The following EPHA5 variants were observed in gnomAD, a reference collection of about 807,000 sequenced individuals.
EPHA5 encodes ephrin type-A receptor 5.
A neutral mutation model predicts 105.0 loss-of-function variants in EPHA5; 60 were observed. The ratio of observed to expected loss-of-function variants is 0.57; its 90% CI spans 0.46 to 0.71. The LOEUF is 0.71. Among genes scored for constraint, EPHA5 ranks in the 30% least tolerant of loss-of-function variants. EPHA5 has a pLI of 0.00. For missense variants in EPHA5, 1,218 were observed against 1,274.7 expected, an observed-to-expected ratio of 0.96 and a Z score of 0.68; for synonymous variants, 513 against 449.1, an observed-to-expected ratio of 1.14 and a Z score of -1.80.
At position 65,323,372 on chromosome 4, in the gene EPHA5, CAT is replaced by C. The variant is rs1275668242; in HGVS notation, c.*740_*741del. On this transcript the variant is annotated 3_prime_UTR_variant, in exon 17 of 17. Coordinates refer to ENST00000613740, the MANE Select transcript of EPHA5 (RefSeq NM_001281766.3). ...AATGCAAGCAGAATGGTAACACACA[CAT>C]GTGCAAGCAAACACACACACAATTC... 4.3e-6 allele frequency: 1 copy of C among 230,104 alleles called. No homozygotes were observed. The allele number at this position is 230,104 out of a possible 1,614,324, so 14.3% of individuals were successfully genotyped here.
At position 65,643,416 on chromosome 4, in the gene EPHA5, C is replaced by A. The variant is rs141103426; in HGVS notation, c.193G>T (p.Asp65Tyr). The part of the protein sequence containing the change: ...ASPSNEVNLL[D>Y]SRTVMGDLGW... Reference sequence around the variant, plus strand: ...AGGTCCCCCATGACAGTGCGTGAATCCAATAAATTCACTGAAAAGAAAAGA... The same window carrying A: ...AGGTCCCCCATGACAGTGCGTGAATACAATAAATTCACTGAAAAGAAAAGA... Residue 65 changes from aspartate (D) to tyrosine (Y), a missense_variant, in exon 2 of 17, where the codon GAT (aspartate) becomes TAT (tyrosine). Asp to Tyr is a radical substitution (Grantham distance 160, BLOSUM62 -3). Transcript: ENST00000613740. 2.6e-5 allele frequency: 42 copies of A among 1,612,316 alleles called. No homozygotes were observed. The African/African-American group carries it at 5.1e-4, about 20-fold the overall frequency.
At chr4:65,468,546 TATAA>T (rs1560571450) in intron 5 of EPHA5, among the ~76,000 whole-genome samples, 96 of 107,104 alleles carry the variant, frequency 9.0e-4, no homozygotes, top group African/African-American at 3.4e-3. Flanking sequence ...TATATATATA[TATAA>T]TATATATATT....
intron 5 of EPHA5, among the ~76,000 whole-genome samples, chr4:65,464,296 A>C (rs1031513082): frequency 6.6e-6 from 1 of 151,976 alleles, no homozygotes; most frequent in Admixed American, 6.6e-5. Flanking sequence ...TCTTTTTTCT[A>C]TTTGGAACCA....
At chr4:65,371,944 C>T (rs1004341013) in intron 8 of EPHA5, among the ~76,000 whole-genome samples, 5 of 151,766 alleles carry the variant, frequency 3.3e-5, no homozygotes, top group African/African-American at 1.2e-4. Context: ...TCTCTATTTT[C>T]CAGATTGATT....
chr4:65,360,070 G>C (rs1161185235), intron 11 of EPHA5, among the ~76,000 whole-genome samples: 1 of 151,524 alleles, frequency 6.6e-6, no homozygotes. Context: ...GTAACAGTCT[G>C]CCTCCAAATG....
intron 8 of EPHA5, among the ~76,000 whole-genome samples, chr4:65,398,730 A>G (rs1408513086): frequency 6.6e-6 from 1 of 152,108 alleles, no homozygotes. Flanking sequence ...ATTCTCCACT[A>G]AGGGCTTCAG....
chr4:65,474,343 A>T (rs1729590946), intron 5 of EPHA5, among the ~76,000 whole-genome samples: 1 of 152,184 alleles, frequency 6.6e-6, no homozygotes, highest in Non-Finnish European at 1.5e-5. Flanking sequence ...AAGCTCTATA[A>T]ATCATATACA....
At chr4:65,576,074 A>AAAG (rs1740960346) in intron 3 of EPHA5, among the ~76,000 whole-genome samples, 1 of 85,428 alleles carries the variant, frequency 1.2e-5, no homozygotes, top group African/African-American at 4.3e-5. Flanking sequence ...AAAAGAAAAG[A>AAAG]AAAGAAAAGA....
intron 5 of EPHA5, among the ~76,000 whole-genome samples, chr4:65,429,194 A>G (rs538152598): frequency 6.6e-6 from 1 of 152,200 alleles, no homozygotes; most frequent in South Asian, 2.1e-4. Flanking sequence ...GGCTATATCT[A>G]GCAGATAGCG....
chr4:65,546,464 T>A (rs1196055712), intron 3 of EPHA5, among the ~76,000 whole-genome samples: 2 of 152,062 alleles, frequency 1.3e-5, no homozygotes, highest in Non-Finnish European at 2.9e-5. Context: ...ATACTTTTTT[T>A]CTTTCTGGAC....
intron 3 of EPHA5, among the ~76,000 whole-genome samples, chr4:65,508,821 G>GTT (rs1228241229): frequency 6.6e-6 from 1 of 151,804 alleles, no homozygotes; most frequent in Non-Finnish European, 1.5e-5. Context: ...AAAAAGAAGT[G>GTT]TTAAAAAAAA....
intron 3 of EPHA5, among the ~76,000 whole-genome samples, chr4:65,514,954 A>AT (rs1251519877): frequency 6.6e-6 from 1 of 152,152 alleles, no homozygotes; most frequent in Non-Finnish European, 1.5e-5. Flanking sequence ...TGAAACAATA[A>AT]TTCCTATAAT....
chr4:65,490,789 G>A (rs1328697549), intron 4 of EPHA5, 77 bp from the exon 5 acceptor site: 1 of 1,400,644 alleles, frequency 7.1e-7, no homozygotes, highest in Non-Finnish European at 9.7e-7. Context: ...ACCAATTCCT[G>A]GTCTGAAGGA....
chr4:65,651,741 C>G lies in EPHA5; in HGVS notation c.182-8314G>C, dbSNP rs141861168. On this transcript the variant is annotated intron_variant, in intron 1 of 16. Transcript: ENST00000613740. ...AAAGTTAAGCAGTAGAATATTCATA[C>G]CATAAAGCATATGACTATGATGGAA... Among the ~76,000 whole-genome samples the G allele has an allele frequency of 6.0e-4, 92 of 152,188 alleles. No individual in the cohort carries two copies. In the East Asian group the frequency reaches 0.018, roughly 29 times the overall value.
At chr4:65,466,429 T>G (rs574437189) in intron 5 of EPHA5, among the ~76,000 whole-genome samples, 1 of 152,344 alleles carries the variant, frequency 6.6e-6, no homozygotes, top group East Asian at 1.9e-4. Flanking sequence ...CCTGTAGGAC[T>G]ATGTCTCCCA....
intron 8 of EPHA5, among the ~76,000 whole-genome samples, chr4:65,390,027 C>T (rs561646089): frequency 7.2e-5 from 11 of 152,040 alleles, no homozygotes; most frequent in African/African-American, 2.4e-4. Flanking sequence ...TGCATTTCAA[C>T]CTATCAATCT....
At chr4:65,566,612 T>C (rs1318234368) in intron 3 of EPHA5, among the ~76,000 whole-genome samples, 1 of 151,720 alleles carries the variant, frequency 6.6e-6, no homozygotes, top group African/African-American at 2.4e-5. Flanking sequence ...GCTACTCCAA[T>C]TTAATTCACA....
chr4:65,659,319 G>GAAAAAAAAA (rs5858980), intron 1 of EPHA5, among the ~76,000 whole-genome samples: 7 of 71,602 alleles, frequency 9.8e-5, no homozygotes, highest in African/African-American at 3.7e-4. Context: ...TAGAGTAACA[G>GAAAAAAAAA]AAAAAAAAAA....
Position 65,620,165 on chromosome 4 carries a change from C to T in EPHA5, c.247-17861G>A, listed in dbSNP as rs577868971. Among the ~76,000 whole-genome samples, 160 of 146,428 alleles carry T rather than the reference C, an allele frequency of 1.1e-3. 1 individual carries two copies. Among genetic ancestry groups the T allele is most frequent in the Middle Eastern group, 7.4e-3 (2 of 270 alleles). On this transcript the variant is annotated intron_variant, in intron 2 of 16. Transcript: ENST00000613740. ...ATAGTAATAACTGTTTAAAATTTATCAAGAATGAAGTATGTGCCTAGAACT... is the reference window on the plus strand; with the variant it reads ...ATAGTAATAACTGTTTAAAATTTATTAAGAATGAAGTATGTGCCTAGAACT...
Sources: allele counts gnomAD v4.1 joint callset (sites outside exome capture counted in the v4.1 genomes callset), GRCh38; gene constraint gnomAD v4.1.1; transcripts MANE v1.5; gene names NCBI Gene and HGNC (gene_info 2026-07-23, HGNC 2026-07-21).